SYNE2: variants seen among roughly 807,000 people sequenced by gnomAD.
SYNE2 encodes spectrin repeat containing nuclear envelope protein 2.
Under a neutral mutation model 856.3 loss-of-function variants are expected in SYNE2, and 431 were observed. That is an observed-to-expected ratio of 0.50 (90% CI 0.47 to 0.55). The LOEUF is 0.55. SYNE2 is among the 20% of genes least tolerant of loss of function. SYNE2 has a pLI of 0.00. For synonymous variants in SYNE2, 2,923 were observed against 2,872.3 expected, an observed-to-expected ratio of 1.02 and a Z score of -0.56; for missense variants, 8,129 against 8,023.2, an observed-to-expected ratio of 1.01 and a Z score of -0.50.
intron 73 of SYNE2, among the ~76,000 whole-genome samples, chr14:64,128,105 A>G (rs868664116): frequency 2.0e-5 from 3 of 152,178 alleles, no homozygotes; most frequent in South Asian, 2.1e-4. Context: ...ATTATTATTG[A>G]TGGCAGGGGA....
intron 107 of SYNE2, chr14:64,215,953 C>T: frequency 8.2e-6 from 11 of 1,343,554 alleles, no homozygotes; most frequent in Non-Finnish European, 1.1e-5. Flanking sequence ...GGTCCCCAGA[C>T]CCGGCCTTGC....
intron 1 of SYNE2, among the ~76,000 whole-genome samples, chr14:63,791,603 A>G (rs1294265612): frequency 2.0e-5 from 3 of 152,206 alleles, no homozygotes; most frequent in Admixed American, 6.5e-5. Flanking sequence ...ACTGTGATAA[A>G]GAAGCATACT....
At chr14:64,031,480 A>G (rs894280306) in intron 45 of SYNE2, 123 bp downstream of exon 45, 3 of 864,846 alleles carry the variant, frequency 3.5e-6, no homozygotes, top group African/African-American at 1.7e-5. Flanking sequence ...TGTCCTGGCT[A>G]TTTATGAAGC....
chr14:64,225,209 T>C (rs2098713649), intron 115 of SYNE2, 110 bp from the exon 116 acceptor site: 1 of 1,584,946 alleles, frequency 6.3e-7, no homozygotes, highest in African/African-American at 1.3e-5. Flanking sequence ...GTTGGCCCTA[T>C]TTAAATCTCA....
In SYNE2 at chr14:64,052,385, A is replaced by G. The variant is rs888692979; in HGVS notation, c.8472A>G (p.Gln2824=). 7 of 1,614,032 alleles carry G rather than the reference A, an allele frequency of 4.3e-6. No individual in the cohort carries two copies. The African/African-American group carries it at 9.3e-5, about 22-fold the overall frequency. ...QYQMLVLKST[Q]RSQQLEFKLE... is the part of the protein sequence containing the mutation. The stretch of plus-strand genomic sequence containing the variant: ...AAATGCTGGTTTTAAAATCAACTCA[A>G]AGATCACAGCAATTAGAATTTAAGT... The change falls in exon 48 of 116, where the codon CAA becomes CAG. Residue 2824 remains glutamine (Q), a synonymous_variant. Coordinates refer to ENST00000555002, the MANE Select transcript of SYNE2 (RefSeq NM_182914.3).
rs976432674 is a variant in SYNE2 at position 64,159,226 on chromosome 14, A to G, written c.15964-86A>G. ...TGTAAGATTTGAGTGTTATTGCTAC[A>G]TAGTAGCAAGTGTTGAGAAGCTGCC... On this transcript the variant is annotated intron_variant, in intron 86 of 115. Transcript: ENST00000555002. 14 of 1,498,604 alleles carry G rather than the reference A, an allele frequency of 9.3e-6. No individual in the cohort carries two copies. The African/African-American group carries it at 9.6e-5, about 10-fold the overall frequency. The allele number at this position is 1,498,604 out of a possible 1,614,324, so 92.8% of individuals were successfully genotyped here. A position where few individuals can be genotyped will look rare whatever the true frequency, so the allele number is the denominator to read the frequency against.
chr14:64,201,216 G>A (rs769109493), intron 99 of SYNE2, among the ~76,000 whole-genome samples: 5 of 152,176 alleles, frequency 3.3e-5, no homozygotes, highest in Admixed American at 1.3e-4. Flanking sequence ...CACCTCACCC[G>A]ATGCTACCAC....
chr14:63,925,936 C>A (rs1451159375), intron 2 of SYNE2, among the ~76,000 whole-genome samples: 2 of 152,106 alleles, frequency 1.3e-5, no homozygotes, highest in African/African-American at 4.8e-5. Context: ...TCACTGCATC[C>A]TCTGCCTCCT....
At position 64,076,077 on chromosome 14, in the gene SYNE2, G is replaced by A; in HGVS notation, c.10999G>A (p.Ala3667Thr). 6.2e-7 allele frequency: 1 copy of A among 1,613,760 alleles called. No homozygotes were observed. Among genetic ancestry groups the A allele is most frequent in the Middle Eastern group, 1.7e-4 (1 of 6,004 alleles). The stretch of plus-strand genomic sequence containing the variant: ...ATCCCAGGTGGAAGAATGCAGAAAA[G>A]CTTTAGAAGACATAGATGAGAAGGT... Reference protein sequence around the residue: ...IESQVEECRKALEDIDEKISN... With the variant: ...IESQVEECRKTLEDIDEKISN... The change falls in exon 54 of 116, where the codon GCT becomes ACT. Residue 3667 changes from alanine (A) to threonine (T), a missense_variant. This residue lies in a region of SYNE2 where 5,410 missense variants were observed against 5,284.8 expected (regional missense o/e 1.02). Coordinates refer to ENST00000555002, the MANE Select transcript of SYNE2 (RefSeq NM_182914.3).
chr14:64,173,023 GTCT>G (rs1328573855), intron 94 of SYNE2, among the ~76,000 whole-genome samples: 1 of 152,130 alleles, frequency 6.6e-6, no homozygotes, highest in Non-Finnish European at 1.5e-5. Context: ...TTACATCTGG[GTCT>G]TCTTTTCTGC....
Position 64,159,086 on chromosome 14 carries a change from T to C in SYNE2, c.15964-226T>C, listed in dbSNP as rs530933271. On this transcript the variant is annotated intron_variant, in intron 86 of 115. Transcript: ENST00000555002. ...TTTGGTTTTTGAGTGGCCTTTTTTT[T>C]TTCAGTATGCCTAAGTGCTAAGTAC... is the stretch of plus-strand genomic sequence containing the variant. 3.0e-3 allele frequency among the ~76,000 whole-genome samples: 452 copies of C among 152,286 alleles called. 4 individuals are homozygous for C. The highest frequency in any genetic ancestry group is 0.01 in the African/African-American group (423 of 41,558).
chr14:64,163,813 G>T (rs1444310465), intron 89 of SYNE2, among the ~76,000 whole-genome samples: 1 of 152,162 alleles, frequency 6.6e-6, no homozygotes, highest in Non-Finnish European at 1.5e-5. Flanking sequence ...GTATTATATT[G>T]CATACATTGT....
intron 96 of SYNE2, among the ~76,000 whole-genome samples, chr14:64,178,333 C>T (rs974034125): frequency 2.0e-5 from 3 of 152,230 alleles, no homozygotes; most frequent in Non-Finnish European, 4.4e-5. Context: ...AGTATACACA[C>T]AGTTCAAGTG....
At position 64,214,366 on chromosome 14, in the gene SYNE2, T is replaced by C. The variant is rs2098656057; in HGVS notation, c.19229T>C (p.Val6410Ala). The change falls in exon 106 of 116, where the codon GTC becomes GCC. Residue 6410 changes from valine (V) to alanine (A), a missense_variant. Val to Ala is a moderately conservative substitution (Grantham distance 64). Around this residue, in one of 3 missense-constraint regions of SYNE2, gnomAD observed 5,410 missense variants for 5,284.8 expected, o/e 1.02. Transcript: ENST00000555002. ...GHERSGCETP[V>A]SVDSIPLEWD... is the part of the protein sequence containing the mutation. ...GAGCGGTCTGGCTGCGAGACCCCTG[T>C]CAGCGTGGACTCCATCCCCCTGGAG... 6.2e-7 allele frequency: 1 copy of C among 1,614,096 alleles called. No individual in the cohort carries two copies. Among genetic ancestry groups the C allele is most frequent in the South Asian group, 1.1e-5 (1 of 91,072 alleles).
At chr14:63,934,998 A>G (rs1433288673) in intron 2 of SYNE2, among the ~76,000 whole-genome samples, 2 of 151,806 alleles carry the variant, frequency 1.3e-5, no homozygotes, top group South Asian at 2.1e-4. Flanking sequence ...TTCTATTAAG[A>G]TATAAAATTA....
At chr14:64,155,086 T>G (rs1051550841) in intron 85 of SYNE2, among the ~76,000 whole-genome samples, 4 of 152,172 alleles carry the variant, frequency 2.6e-5, no homozygotes, top group African/African-American at 9.7e-5. Context: ...AAACATAAAG[T>G]TACCATGCAA....
intron 1 of SYNE2, among the ~76,000 whole-genome samples, chr14:63,797,260 G>A (rs1044306313): frequency 4.0e-5 from 6 of 151,284 alleles, no homozygotes; most frequent in South Asian, 2.1e-4. Flanking sequence ...GCATGGTGGC[G>A]TGTGCCCGTA....
intron 19 of SYNE2, among the ~76,000 whole-genome samples, chr14:63,988,538 C>T (rs1279027236): frequency 6.6e-6 from 1 of 152,034 alleles, no homozygotes; most frequent in Non-Finnish European, 1.5e-5. Context: ...ATTCCACTGC[C>T]CCAAGACAAA....
intron 49 of SYNE2, among the ~76,000 whole-genome samples, chr14:64,060,616 G>C (rs2097309345): frequency 6.6e-6 from 1 of 152,106 alleles, no homozygotes; most frequent in Non-Finnish European, 1.5e-5. Context: ...GTTGGAGGAG[G>C]GGTAATTCCA....
Sources: gnomAD v4.1 joint callset for allele counts (sites outside exome capture counted in the v4.1 genomes callset) on GRCh38, gnomAD v4.1.1 for gene constraint, gnomAD v4.1.1 regional missense constraint, MANE v1.5 for transcripts, NCBI Gene and HGNC (gene_info 2026-07-23, HGNC 2026-07-21) for gene names.